Variants in ERC1 observed in about 807,000 individuals in gnomAD.
ERC1 encodes the protein ELKS/RAB6-interacting/CAST family member 1, also known as RAB6 interacting protein 2.
A neutral mutation model predicts 132.0 loss-of-function variants in ERC1; 56 were observed. That is an observed-to-expected ratio of 0.42 (90% CI 0.34 to 0.53). The LOEUF is 0.53. Ranked by LOEUF, ERC1 falls within the 20% of genes least tolerant of loss-of-function variation. ERC1 has a pLI of 0.03. For synonymous variants in ERC1, 478 were observed against 476.1 expected (o/e 1.00, Z -0.05); for missense variants, 1,202 against 1,349.9 (o/e 0.89, Z 1.72).
chr12:1,046,512 A>C (rs1016155504), intron 2 of ERC1, among the ~76,000 whole-genome samples: 1 of 152,212 alleles, frequency 6.6e-6, no homozygotes, highest in Non-Finnish European at 1.5e-5. Context: ...TTTTTGTATT[A>C]TATATGGCTG....
chr12:1,336,669 T>C (rs1373619602), intron 15 of ERC1, among the ~76,000 whole-genome samples: 1 of 152,222 alleles, frequency 6.6e-6, no homozygotes, highest in East Asian at 1.9e-4. Flanking sequence ...TGTCCAATTA[T>C]GTGGTCAGTT....
chr12:1,100,552 T>C (rs555676254), intron 3 of ERC1, among the ~76,000 whole-genome samples: 1 of 151,778 alleles, frequency 6.6e-6, no homozygotes, highest in East Asian at 1.9e-4. Context: ...ATGGTGGAGG[T>C]GGTAAGTTTC....
chr12:1,021,137 C>T (rs1263481852), intron 1 of ERC1, among the ~76,000 whole-genome samples: 1 of 151,048 alleles, frequency 6.6e-6, no homozygotes, highest in Admixed American at 6.6e-5. Context: ...GACGGGGTTT[C>T]ACCATGTTGG....
chr12:1,180,478 A>T (rs1173184561), intron 8 of ERC1, 62 bp from the exon 9 acceptor site: 1 of 1,477,864 alleles, frequency 6.8e-7, no homozygotes, highest in Non-Finnish European at 9.4e-7. Context: ...AATGATTTTG[A>T]TTGTGCTATT....
At chr12:1,418,726 T>TTTC in intron 17 of ERC1, among the ~76,000 whole-genome samples, 1 of 111,604 alleles carries the variant, frequency 9.0e-6, no homozygotes, top group Admixed American at 9.1e-5. Context: ...TTCTTTCTTT[T>TTTC]TGGAGACAGG....
intron 12 of ERC1, among the ~76,000 whole-genome samples, chr12:1,225,660 T>A (rs1228470562): frequency 6.6e-6 from 1 of 152,216 alleles, no homozygotes; most frequent in Non-Finnish European, 1.5e-5. Context: ...AGGAATGAAA[T>A]TGGCTTTGAT....
intron 2 of ERC1, among the ~76,000 whole-genome samples, chr12:1,075,116 CCT>C (rs1941116392): frequency 6.6e-6 from 1 of 151,724 alleles, no homozygotes; most frequent in Non-Finnish European, 1.5e-5. Context: ...AGGCTCTTCC[CCT>C]GTCTCATTCT....
Position 1,253,536 on chromosome 12 carries a change from C to T in ERC1, c.2488-9498C>T, listed in dbSNP as rs941931550. ...TATGAAAAATACAAAATTCGCCAGG[C>T]GTGGTGGTGCATGCCTGTAATCCCA... On this transcript the variant is annotated intron_variant, in intron 13 of 18. Coordinates refer to ENST00000360905, the MANE Select transcript of ERC1 (RefSeq NM_178040.4). 3.9e-5 allele frequency among the ~76,000 whole-genome samples: 6 copies of T among 151,930 alleles called. 1 individual carries two copies. The highest frequency in any genetic ancestry group is 4.2e-4 in the South Asian group (2 of 4,808).
At chr12:1,096,148 G>A (rs771503799) in intron 3 of ERC1, among the ~76,000 whole-genome samples, 10 of 152,024 alleles carry the variant, frequency 6.6e-5, no homozygotes, top group Non-Finnish European at 1.2e-4. Context: ...GGCTGGTCTC[G>A]AACTACTGAG....
chr12:1,124,353 G>A (rs1947908746), intron 7 of ERC1, among the ~76,000 whole-genome samples: 1 of 152,112 alleles, frequency 6.6e-6, no homozygotes, highest in South Asian at 2.1e-4. Flanking sequence ...AAGAACAGCA[G>A]CAGAAAACCA....
At chr12:1,423,332 C>G (rs1371560176) in intron 17 of ERC1, among the ~76,000 whole-genome samples, 7 of 152,206 alleles carry the variant, frequency 4.6e-5, no homozygotes, top group Admixed American at 4.6e-4. Context: ...TGGCCTAAGG[C>G]TGCCTGATTA....
At chr12:1,336,703 T>C (rs2083344879) in intron 15 of ERC1, among the ~76,000 whole-genome samples, 1 of 152,196 alleles carries the variant, frequency 6.6e-6, no homozygotes, top group Non-Finnish European at 1.5e-5. Context: ...CATGCGAAGG[T>C]GAGAATGTAT....
chr12:1,135,998 G>T (rs1234985262), intron 7 of ERC1, among the ~76,000 whole-genome samples: 1 of 152,170 alleles, frequency 6.6e-6, no homozygotes, highest in Non-Finnish European at 1.5e-5. Flanking sequence ...AGACTGTTAA[G>T]ATATAATGTC....
At chr12:1,297,546 A>T (rs1365709918) in intron 15 of ERC1, among the ~76,000 whole-genome samples, 1 of 150,898 alleles carries the variant, frequency 6.6e-6, no homozygotes, top group Non-Finnish European at 1.5e-5. Context: ...TACAAAAAAA[A>T]AAAAAAAAAA....
chr12:1,294,605 CCTTAT>C (rs1209168121), intron 15 of ERC1, among the ~76,000 whole-genome samples: 1 of 152,118 alleles, frequency 6.6e-6, no homozygotes, highest in Non-Finnish European at 1.5e-5. Flanking sequence ...CCTACTTTTT[CCTTAT>C]CTTTTCTTTT....
At chr12:1,100,874 A>G (rs1186080966) in intron 3 of ERC1, among the ~76,000 whole-genome samples, 1 of 152,220 alleles carries the variant, frequency 6.6e-6, no homozygotes, top group East Asian at 1.9e-4. Context: ...GGGAATGAGT[A>G]TAGGTGGAAA....
At chr12:1,031,899 A>G (rs1968110259) in intron 2 of ERC1, among the ~76,000 whole-genome samples, 1 of 152,126 alleles carries the variant, frequency 6.6e-6, no homozygotes, top group African/African-American at 2.4e-5. Flanking sequence ...TTTGGTTAAA[A>G]CATAGATTGC....
rs1954520635 is a variant in ERC1, at chr12:1,181,919, C to T, written c.1876-6C>T. 6 of 1,610,834 alleles carry T rather than the reference C, an allele frequency of 3.7e-6. No individual in the cohort carries two copies. The highest frequency in any genetic ancestry group is 4.2e-6 in the Non-Finnish European group (5 of 1,178,336). On this transcript the variant is annotated splice_region_variant and splice_polypyrimidine_tract_variant and intron_variant, in intron 9 of 18. Coordinates refer to ENST00000360905, the MANE Select transcript of ERC1 (RefSeq NM_178040.4). ...TTCTTCACATGTTGATATATTCTCT[C>T]ATCAGGAGCGGACAATTGAACGCTT... is the stretch of plus-strand genomic sequence containing the variant.
intron 15 of ERC1, among the ~76,000 whole-genome samples, chr12:1,330,126 C>T (rs2082752236): frequency 6.6e-6 from 1 of 152,202 alleles, no homozygotes; most frequent in South Asian, 2.1e-4. Flanking sequence ...ACAGGACCAA[C>T]ATTTTATTTT....
Sources: gnomAD v4.1 joint callset for allele counts (sites outside exome capture counted in the v4.1 genomes callset) on GRCh38, gnomAD v4.1.1 for gene constraint, MANE v1.5 for transcripts, NCBI Gene and HGNC (gene_info 2026-07-23, HGNC 2026-07-21) for gene names.